The following JAZF1 variants were observed in gnomAD, a reference collection of about 807,000 sequenced individuals.
JAZF1 encodes JAZF zinc finger 1.
In JAZF1, 8 loss-of-function variants were observed where a neutral mutation model predicts 26.4. That is an observed-to-expected ratio of 0.30 (90% CI 0.18 to 0.55). The LOEUF (loss-of-function observed/expected upper bound fraction) is 0.55. JAZF1 is among the 20% of genes least tolerant of loss of function. JAZF1 has a pLI of 0.94. For synonymous variants in JAZF1, 126 were observed against 122.3 expected (o/e 1.03, Z -0.20); for missense variants, 199 against 322.0 (o/e 0.62, Z 2.92).
At chr7:28,117,393 C>T (rs1170332247) in intron 1 of JAZF1, among the ~76,000 whole-genome samples, 2 of 152,106 alleles carry the variant, frequency 1.3e-5, no homozygotes, top group Admixed American at 1.3e-4. Flanking sequence ...TATCATTTTT[C>T]ACTTTTTTCC....
intron 2 of JAZF1, among the ~76,000 whole-genome samples, chr7:27,958,962 G>A (rs1392601351): frequency 1.3e-5 from 2 of 152,220 alleles, no homozygotes; most frequent in Admixed American, 6.5e-5. Flanking sequence ...AAGTGCAAGA[G>A]TAATGGCAAG....
intron 2 of JAZF1, among the ~76,000 whole-genome samples, chr7:27,941,712 G>A (rs556965331): frequency 2.6e-5 from 4 of 152,280 alleles, no homozygotes; most frequent in South Asian, 4.1e-4. Flanking sequence ...AAAACTAGCC[G>A]TAGCAAAACC....
chr7:28,175,140 A>G (rs1376216800), intron 1 of JAZF1, among the ~76,000 whole-genome samples: 1 of 152,176 alleles, frequency 6.6e-6, no homozygotes, highest in Non-Finnish European at 1.5e-5. Context: ...GCTGGCTTTG[A>G]CACCACTTTC....
At chr7:27,942,704 C>T (rs937073084) in intron 2 of JAZF1, among the ~76,000 whole-genome samples, 1 of 152,200 alleles carries the variant, frequency 6.6e-6, no homozygotes, top group African/African-American at 2.4e-5. Flanking sequence ...GTTTTAATTA[C>T]CTCCACAATG....
intron 3 of JAZF1, among the ~76,000 whole-genome samples, chr7:27,869,628 T>G (rs992626960): frequency 6.6e-6 from 1 of 152,192 alleles, no homozygotes; most frequent in African/African-American, 2.4e-5. Context: ...CTGGCCTGTT[T>G]TCCAGAATCA....
chr7:27,871,929 G>C (rs1170355114), intron 3 of JAZF1, among the ~76,000 whole-genome samples: 3 of 152,186 alleles, frequency 2.0e-5, no homozygotes. Flanking sequence ...TACTATCTGT[G>C]GCATGTGCTC....
chr7:27,943,142 C>T (rs73299484), intron 2 of JAZF1, among the ~76,000 whole-genome samples: 1 of 152,192 alleles, frequency 6.6e-6, no homozygotes, highest in Non-Finnish European at 1.5e-5. Flanking sequence ...GAGGCAACAT[C>T]CTCAGATACA....
chr7:28,025,880 T>C (rs1783085503), intron 1 of JAZF1, among the ~76,000 whole-genome samples: 1 of 152,208 alleles, frequency 6.6e-6, no homozygotes, highest in Non-Finnish European at 1.5e-5. Flanking sequence ...CTGTTATTAT[T>C]CAGAGCCTTG....
chr7:27,942,435 G>C (rs898579894), intron 2 of JAZF1, among the ~76,000 whole-genome samples: 1 of 152,204 alleles, frequency 6.6e-6, no homozygotes, highest in Non-Finnish European at 1.5e-5. Context: ...ACCTGCCTTG[G>C]TAATAGCAAA....
At position 27,832,987 on chromosome 7, in the gene JAZF1, G is replaced by A. The variant is rs912599634; in HGVS notation, c.556-11C>T. 3 of 1,543,708 alleles carry A rather than the reference G, an allele frequency of 1.9e-6. No homozygotes were observed. The highest frequency in any genetic ancestry group is 2.6e-6 in the Non-Finnish European group (3 of 1,141,630). ...TATGCCATTCACATTCTGTGGAGAA[G>A]ACAAAAATATTTATTACATGGATTC... On this transcript the variant is annotated splice_polypyrimidine_tract_variant and intron_variant, in intron 4 of 4. Coordinates refer to ENST00000283928, the MANE Select transcript of JAZF1 (RefSeq NM_175061.4).
chr7:28,105,514 T>G (rs891091216), intron 1 of JAZF1, among the ~76,000 whole-genome samples: 1 of 152,204 alleles, frequency 6.6e-6, no homozygotes, highest in African/African-American at 2.4e-5. Context: ...GCAGAGTTGA[T>G]AGGAAGGCAG....
intron 3 of JAZF1, among the ~76,000 whole-genome samples, chr7:27,877,254 A>G (rs1783694503): frequency 6.6e-6 from 1 of 152,232 alleles, no homozygotes; most frequent in African/African-American, 2.4e-5. Context: ...ATGGCTCCGA[A>G]TGAGAGGTCA....
intron 1 of JAZF1, among the ~76,000 whole-genome samples, chr7:28,151,106 TA>T (rs796744826): frequency 0.18 from 18,440 of 99,814 alleles, 1,531 homozygotes; most frequent in East Asian, 0.48. Context: ...TATATATATA[TA>T]TATATTTTTT....
chr7:27,993,251 G>A (rs1785940377), intron 1 of JAZF1, among the ~76,000 whole-genome samples: 1 of 152,162 alleles, frequency 6.6e-6, no homozygotes, highest in Non-Finnish European at 1.5e-5. Context: ...TGAAACAAGA[G>A]ACAAAGATTC....
chr7:28,078,045 G>A (rs1386538456), intron 1 of JAZF1, among the ~76,000 whole-genome samples: 1 of 152,088 alleles, frequency 6.6e-6, no homozygotes, highest in Non-Finnish European at 1.5e-5. Flanking sequence ...CCATCTTTAT[G>A]GAACAGAAGA....
At chr7:28,066,343 C>T (rs1168640803) in intron 1 of JAZF1, among the ~76,000 whole-genome samples, 3 of 152,148 alleles carry the variant, frequency 2.0e-5, no homozygotes, top group Non-Finnish European at 2.9e-5. Context: ...GTGGCTCACA[C>T]CTGTAATCCC....
chr7:28,151,116 T>A (rs911786649), intron 1 of JAZF1, among the ~76,000 whole-genome samples: 26 of 151,652 alleles, frequency 1.7e-4, no homozygotes, highest in African/African-American at 4.1e-4. Flanking sequence ...TATATATTTT[T>A]TTTTTGAGAC....
chr7:28,148,290 C>T (rs1293855488), intron 1 of JAZF1, among the ~76,000 whole-genome samples: 1 of 152,142 alleles, frequency 6.6e-6, no homozygotes, highest in Admixed American at 6.5e-5. Flanking sequence ...AGGCTGGTCT[C>T]CATCTCCTGA....
intron 1 of JAZF1, among the ~76,000 whole-genome samples, chr7:28,062,834 TG>T (rs1280267623): frequency 3.9e-5 from 6 of 152,230 alleles, no homozygotes; most frequent in African/African-American, 1.4e-4. Context: ...TAAATTCCTT[TG>T]TGGTTTTTGT....
Sources: gnomAD v4.1 joint callset for allele counts (sites outside exome capture counted in the v4.1 genomes callset) on GRCh38, gnomAD v4.1.1 for gene constraint, MANE v1.5 for transcripts, NCBI Gene and HGNC (gene_info 2026-07-23, HGNC 2026-07-21) for gene names.